Variants in TRHDE observed in about 807,000 individuals in gnomAD.
The protein encoded by TRHDE is thyrotropin-releasing hormone-degrading ectoenzyme.
In TRHDE, 72 loss-of-function variants were observed where a neutral mutation model predicts 125.7. That is an observed-to-expected ratio of 0.57 (90% CI 0.47 to 0.70). The LOEUF (loss-of-function observed/expected upper bound fraction) is 0.70, where lower values mean the gene tolerates loss of function less well. Ranked by LOEUF, TRHDE falls within the 30% of genes least tolerant of loss-of-function variation. TRHDE has a pLI of 0.00. For missense variants in TRHDE, 1,110 were observed against 1,327.1 expected (o/e 0.84, Z 2.54); for synonymous variants, 509 against 509.1 (o/e 1.00, Z 0.00).
intron 2 of TRHDE, among the ~76,000 whole-genome samples, chr12:72,156,509 A>C (rs1204231282): frequency 6.6e-6 from 1 of 152,126 alleles, no homozygotes; most frequent in Non-Finnish European, 1.5e-5. Context: ...TGTAGACTGG[A>C]TCTGTTCCTA....
intron 7 of TRHDE, among the ~76,000 whole-genome samples, chr12:72,552,210 G>C (rs1869711917): frequency 6.6e-6 from 1 of 152,206 alleles, no homozygotes; most frequent in South Asian, 2.1e-4. Context: ...CCTGGGATTG[G>C]GGCAGTCAGC....
intron 2 of TRHDE, among the ~76,000 whole-genome samples, chr12:72,175,670 G>A (rs1034546036): frequency 6.6e-6 from 1 of 152,128 alleles, no homozygotes; most frequent in African/African-American, 2.4e-5. Context: ...GAAAATAATT[G>A]TAACTCTTTA....
chr12:72,334,613 A>T (rs1175631305), intron 2 of TRHDE, among the ~76,000 whole-genome samples: 1 of 152,194 alleles, frequency 6.6e-6, no homozygotes, highest in Non-Finnish European at 1.5e-5. Flanking sequence ...CGCCTGGCAA[A>T]TGCCCTTGTA....
At chr12:72,483,260 G>A (rs549306800) in intron 5 of TRHDE, among the ~76,000 whole-genome samples, 21 of 151,880 alleles carry the variant, frequency 1.4e-4, no homozygotes, top group South Asian at 4.1e-4. Flanking sequence ...TAGAGTTAGA[G>A]TAATGAATGC....
At chr12:72,467,486 G>C (rs1005854916) in intron 3 of TRHDE, among the ~76,000 whole-genome samples, 4 of 152,066 alleles carry the variant, frequency 2.6e-5, no homozygotes, top group Non-Finnish European at 5.9e-5. Context: ...GGAAGATGGG[G>C]TCATATTTGA....
chr12:72,311,726 T>TATCC (rs1229517056), intron 2 of TRHDE, among the ~76,000 whole-genome samples: 108 of 152,270 alleles, frequency 7.1e-4, no homozygotes, highest in African/African-American at 2.5e-3. Flanking sequence ...GTTGAGTCAG[T>TATCC]ACATTTTGGT....
At chr12:72,451,602 C>G (rs879888218) in intron 3 of TRHDE, among the ~76,000 whole-genome samples, 4 of 148,430 alleles carry the variant, frequency 2.7e-5, no homozygotes, top group Admixed American at 1.3e-4. Flanking sequence ...TGTTGTTGTT[C>G]AAAATTGGTT....
At chr12:72,507,835 A>G (rs1878421178) in intron 6 of TRHDE, among the ~76,000 whole-genome samples, 1 of 152,224 alleles carries the variant, frequency 6.6e-6, no homozygotes. Context: ...GGAGGGAAGC[A>G]TGGTTTCATG....
At chr12:72,501,149 G>C (rs1878138950) in intron 6 of TRHDE, among the ~76,000 whole-genome samples, 1 of 151,710 alleles carries the variant, frequency 6.6e-6, no homozygotes. Flanking sequence ...ATTGTAAATA[G>C]TATTATTTTG....
intron 6 of TRHDE, among the ~76,000 whole-genome samples, chr12:72,502,782 A>G (rs1239979131): frequency 6.6e-6 from 1 of 152,176 alleles, no homozygotes; most frequent in African/African-American, 2.4e-5. Flanking sequence ...CGTAGTACCA[A>G]ATCAAACATC....
intron 2 of TRHDE, among the ~76,000 whole-genome samples, chr12:72,368,295 G>A (rs895674810): frequency 3.9e-5 from 6 of 152,100 alleles, no homozygotes; most frequent in Non-Finnish European, 8.8e-5. Context: ...TTAGAAGAAA[G>A]TCTCTAAATT....
intron 18 of TRHDE, among the ~76,000 whole-genome samples, chr12:72,660,336 G>A (rs1234052581): frequency 6.6e-4 from 101 of 152,198 alleles, no homozygotes; most frequent in Non-Finnish European, 1.0e-4. Flanking sequence ...TAGGCCTCTG[G>A]ATGTCTGTGG....
At chr12:72,645,846 C>G (rs1045862943) in intron 15 of TRHDE, among the ~76,000 whole-genome samples, 4 of 151,944 alleles carry the variant, frequency 2.6e-5, no homozygotes, top group African/African-American at 9.7e-5. Context: ...AGAAAATTGT[C>G]AACCAAGAAA....
At chr12:72,145,190 T>A (rs1876200751) in intron 2 of TRHDE, among the ~76,000 whole-genome samples, 1 of 152,174 alleles carries the variant, frequency 6.6e-6, no homozygotes, top group East Asian at 1.9e-4. Context: ...TTTATTGTAT[T>A]TTCTTGAATA....
At chr12:72,556,680 G>T (rs1869941386) in intron 7 of TRHDE, among the ~76,000 whole-genome samples, 1 of 152,186 alleles carries the variant, frequency 6.6e-6, no homozygotes, top group African/African-American at 2.4e-5. Flanking sequence ...AGATTCCATT[G>T]TGAGTGATTG....
intron 2 of TRHDE, among the ~76,000 whole-genome samples, chr12:72,322,219 C>T (rs1377275196): frequency 6.6e-6 from 1 of 152,132 alleles, no homozygotes; most frequent in Admixed American, 6.6e-5. Flanking sequence ...GATGCTCTAC[C>T]TGTTTCAGCC....
At chr12:72,162,500 C>T (rs888185916) in intron 2 of TRHDE, among the ~76,000 whole-genome samples, 4 of 152,100 alleles carry the variant, frequency 2.6e-5, no homozygotes, top group African/African-American at 7.2e-5. Flanking sequence ...CCTGCATTGG[C>T]GATGGTTGCT....
intron 2 of TRHDE, among the ~76,000 whole-genome samples, chr12:72,145,229 C>T (rs576080879): frequency 1.3e-5 from 2 of 152,242 alleles, no homozygotes; most frequent in Middle Eastern, 3.4e-3. Context: ...ATATGCCCTT[C>T]GGACAATTTC....
At chr12:72,410,953 G>A (rs1274410302) in intron 3 of TRHDE, among the ~76,000 whole-genome samples, 1 of 151,972 alleles carries the variant, frequency 6.6e-6, no homozygotes, top group Admixed American at 6.6e-5. Flanking sequence ...AGCCCTTTGG[G>A]AGGCCAAGGT....
Sources: gnomAD v4.1 joint callset for allele counts (sites outside exome capture counted in the v4.1 genomes callset) on GRCh38, gnomAD v4.1.1 for gene constraint, MANE v1.5 for transcripts, NCBI Gene and HGNC (gene_info 2026-07-23, HGNC 2026-07-21) for gene names.